Variants in MPPED2 observed in about 807,000 individuals in gnomAD.
MPPED2 encodes the protein metallophosphoesterase MPPED2.
MPPED2 carries 5 observed loss-of-function variants against 33.0 expected under a neutral mutation model. The observed-to-expected ratio is 0.15, with a 90% CI of 0.08 to 0.32. The LOEUF (loss-of-function observed/expected upper bound fraction) is 0.32, where lower values mean the gene tolerates loss of function less well. Among genes scored for constraint, MPPED2 ranks in the 10% least tolerant of loss-of-function variants. The pLI is 1.00. For missense variants in MPPED2, 275 were observed against 372.1 expected (o/e 0.74, Z 2.15); for synonymous variants, 136 against 141.9 (o/e 0.96, Z 0.29).
At chr11:30,412,962 G>GT (rs1948175605) in intron 6 of MPPED2, among the ~76,000 whole-genome samples, 1 of 152,116 alleles carries the variant, frequency 6.6e-6, no homozygotes, top group Admixed American at 6.6e-5. Flanking sequence ...CACCTCCCTA[G>GT]TCTCCCCTCC....
intron 4 of MPPED2, among the ~76,000 whole-genome samples, chr11:30,456,426 T>C (rs1327671363): frequency 1.3e-5 from 2 of 152,130 alleles, no homozygotes; most frequent in Admixed American, 1.3e-4. Context: ...TGACCATATA[T>C]GGGGTAACAG....
chr11:30,487,090 T>C (rs552292503), intron 4 of MPPED2, among the ~76,000 whole-genome samples: 5 of 152,328 alleles, frequency 3.3e-5, no homozygotes, highest in South Asian at 2.1e-4. Flanking sequence ...GAGGACAAAG[T>C]ACAGGTCCTT....
intron 4 of MPPED2, among the ~76,000 whole-genome samples, chr11:30,458,914 CTTTTTTTTTTTTTTTT>C (rs71060450): frequency 4.7e-5 from 3 of 64,516 alleles, no homozygotes; most frequent in African/African-American, 1.2e-4. Flanking sequence ...TTGCACAGTT[CTTTTTTTTTTTTTTTT>C]TTTTTTTTTT....
chr11:30,409,351 T>C (rs1055638671), downstream of MPPED2, among the ~76,000 whole-genome samples: 3 of 152,236 alleles, frequency 2.0e-5, no homozygotes, highest in Non-Finnish European at 4.4e-5. Context: ...AGCACCTCTT[T>C]CGGTCCATGT....
chr11:30,524,759 C>T (rs1954075553), intron 3 of MPPED2, among the ~76,000 whole-genome samples: 1 of 152,044 alleles, frequency 6.6e-6, no homozygotes, highest in Non-Finnish European at 1.5e-5. Context: ...GGTTCAGGTA[C>T]CTGGATTAAT....
intron 4 of MPPED2, among the ~76,000 whole-genome samples, chr11:30,419,353 C>G (rs1391075046): frequency 2.6e-5 from 4 of 152,162 alleles, no homozygotes; most frequent in African/African-American, 9.7e-5. Context: ...TTCTTATATA[C>G]TATCTGAATT....
intron 4 of MPPED2, among the ~76,000 whole-genome samples, chr11:30,465,787 A>G (rs1950684057): frequency 1.3e-5 from 2 of 152,190 alleles, no homozygotes; most frequent in Non-Finnish European, 2.9e-5. Context: ...TTTCAACCAC[A>G]CACAGACTGA....
chr11:30,489,049 CT>C (rs35230912), intron 4 of MPPED2, among the ~76,000 whole-genome samples: 24,639 of 81,932 alleles, frequency 0.3, 2,579 homozygotes, highest in Middle Eastern at 0.45. Context: ...TCTTCTTCTT[CT>C]CCTTTTTTTT....
At chr11:30,482,998 G>A (rs1951557797) in intron 4 of MPPED2, among the ~76,000 whole-genome samples, 2 of 151,994 alleles carry the variant, frequency 1.3e-5, no homozygotes, top group South Asian at 4.2e-4. Flanking sequence ...AATCTTGAAC[G>A]GCACATACAG....
intron 3 of MPPED2, among the ~76,000 whole-genome samples, chr11:30,524,592 G>C (rs1209826229): frequency 6.6e-6 from 1 of 152,206 alleles, no homozygotes; most frequent in Non-Finnish European, 1.5e-5. Context: ...TAGAGGGTCA[G>C]GCTATAGTGG....
chr11:30,477,698 T>C (rs1382321271), intron 4 of MPPED2, among the ~76,000 whole-genome samples: 1 of 152,168 alleles, frequency 6.6e-6, no homozygotes, highest in Non-Finnish European at 1.5e-5. Flanking sequence ...TGTTAGGTTT[T>C]GGTATTAATG....
At chr11:30,513,174 G>A (rs530042161) in intron 3 of MPPED2, among the ~76,000 whole-genome samples, 2 of 152,252 alleles carry the variant, frequency 1.3e-5, no homozygotes, top group African/African-American at 2.4e-5. Flanking sequence ...CCCTAGCAAG[G>A]AGGGATAATG....
chr11:30,447,113 A>G (rs1193915988), intron 4 of MPPED2, among the ~76,000 whole-genome samples: 2 of 152,240 alleles, frequency 1.3e-5, no homozygotes, highest in East Asian at 1.9e-4. Context: ...TCATTCAGGT[A>G]GACAGGCGGC....
At chr11:30,483,852 T>C (rs1951605026) in intron 4 of MPPED2, among the ~76,000 whole-genome samples, 2 of 152,208 alleles carry the variant, frequency 1.3e-5, no homozygotes, top group African/African-American at 2.4e-5. Context: ...GAGATTGATA[T>C]ATCCCAGAAA....
intron 6 of MPPED2, among the ~76,000 whole-genome samples, chr11:30,395,506 T>C (rs1286858438): frequency 6.6e-6 from 1 of 152,288 alleles, no homozygotes; most frequent in East Asian, 1.9e-4. Flanking sequence ...GACCTAAGAA[T>C]ACCTTGGATG....
chr11:30,516,167 G>A (rs1442166316), intron 3 of MPPED2, among the ~76,000 whole-genome samples: 1 of 152,096 alleles, frequency 6.6e-6, no homozygotes, highest in African/African-American at 2.4e-5. Context: ...ATTGATCAGA[G>A]CTGGCAAGTG....
intron 2 of MPPED2, among the ~76,000 whole-genome samples, chr11:30,556,173 T>G (rs910682594): frequency 1.3e-5 from 2 of 152,204 alleles, no homozygotes; most frequent in Non-Finnish European, 2.9e-5. Context: ...TTTAAGTAAC[T>G]TCAGCCTAAA....
chr11:30,437,324 C>T (rs181000523), intron 4 of MPPED2, among the ~76,000 whole-genome samples: 3 of 152,276 alleles, frequency 2.0e-5, no homozygotes, highest in Admixed American at 6.5e-5. Flanking sequence ...CACATCTTTG[C>T]AAATACGTAA....
intron 3 of MPPED2, among the ~76,000 whole-genome samples, chr11:30,520,690 ACAT>A: frequency 6.6e-6 from 1 of 152,364 alleles, no homozygotes; most frequent in South Asian, 2.1e-4. Context: ...TATAAAACAT[ACAT>A]CATTTCTTAA....
Sources: gnomAD v4.1 joint callset for allele counts (sites outside exome capture counted in the v4.1 genomes callset) on GRCh38, gnomAD v4.1.1 for gene constraint, MANE v1.5 for transcripts, NCBI Gene and HGNC (gene_info 2026-07-23, HGNC 2026-07-21) for gene names.